The following ATP8A2 variants were observed in gnomAD, a reference collection of about 807,000 sequenced individuals.
The protein encoded by ATP8A2 is ATPase phospholipid transporting 8A2, also known as phospholipid-transporting ATPase IB.
A neutral mutation model predicts 165.6 loss-of-function variants in ATP8A2; 100 were observed. The ratio of observed to expected loss-of-function variants is 0.60; its 90% CI spans 0.51 to 0.71. The LOEUF is 0.71. ATP8A2 is among the 30% of genes least tolerant of loss of function. The pLI is 0.00. For missense variants in ATP8A2, 1,227 were observed against 1,479.5 expected, an observed-to-expected ratio of 0.83 and a Z score of 2.80; for synonymous variants, 543 against 548.8, an observed-to-expected ratio of 0.99 and a Z score of 0.15.
intron 33 of ATP8A2, among the ~76,000 whole-genome samples, chr13:25,925,776 G>A (rs1385721603): frequency 2.6e-5 from 4 of 151,550 alleles, no homozygotes; most frequent in Non-Finnish European, 4.4e-5. Flanking sequence ...TGCCCAGGCA[G>A]GAGTGCAATG....
intron 18 of ATP8A2, among the ~76,000 whole-genome samples, chr13:25,574,234 A>G (rs1364724505): frequency 6.6e-6 from 1 of 152,270 alleles, no homozygotes. Context: ...GACCAGGTAC[A>G]GATTCACCAT....
intron 33 of ATP8A2, among the ~76,000 whole-genome samples, chr13:25,943,530 G>A (rs1425375762): frequency 6.6e-6 from 1 of 152,152 alleles, no homozygotes; most frequent in Non-Finnish European, 1.5e-5. Context: ...TAGCCTAGGT[G>A]TCTAGTGTGC....
intron 27 of ATP8A2, among the ~76,000 whole-genome samples, chr13:25,820,860 C>T (rs890048381): frequency 6.6e-6 from 1 of 151,968 alleles, no homozygotes; most frequent in African/African-American, 2.4e-5. Flanking sequence ...CAAATTTGAG[C>T]GTTTCAATGT....
At chr13:25,684,640 G>A (rs965469565) in intron 24 of ATP8A2, among the ~76,000 whole-genome samples, 2 of 152,186 alleles carry the variant, frequency 1.3e-5, no homozygotes, top group Non-Finnish European at 2.9e-5. Context: ...AGGAGTCTCG[G>A]ATGAATCAAT....
intron 23 of ATP8A2, 22 bp from the exon 24 acceptor site, chr13:25,589,613 G>A (rs1206094227): frequency 6.3e-7 from 1 of 1,586,732 alleles, no homozygotes; most frequent in Non-Finnish European, 8.6e-7. Flanking sequence ...AAATTCACAT[G>A]TTGTCTCTTC....
Position 25,696,982 on chromosome 13 carries a change from A to G in ATP8A2, c.2212-2191A>G, listed in dbSNP as rs146480007. 9.2e-5 allele frequency among the ~76,000 whole-genome samples: 14 copies of G among 152,352 alleles called. No homozygotes were observed. In the East Asian group the frequency reaches 2.7e-3, roughly 29 times the overall value. On this transcript the variant is annotated intron_variant, in intron 24 of 36. Coordinates refer to ENST00000381655, the MANE Select transcript of ATP8A2 (RefSeq NM_016529.6). ...ACAGATTACCATAACAGATATAATC[A>G]TGAGAAAGAAGTTTAAAATATTGCA...
At chr13:25,984,409 G>A (rs1291455927) in intron 35 of ATP8A2, among the ~76,000 whole-genome samples, 1 of 151,656 alleles carries the variant, frequency 6.6e-6, no homozygotes, top group Non-Finnish European at 1.5e-5. Flanking sequence ...TTCGAGACCA[G>A]CCTGGCCAAC....
At chr13:25,450,563 GCT>G (rs2035188182) in intron 1 of ATP8A2, among the ~76,000 whole-genome samples, 1 of 151,834 alleles carries the variant, frequency 6.6e-6, no homozygotes, top group East Asian at 1.9e-4. Flanking sequence ...ACGGAGTCTC[GCT>G]CTGTCGCCCA....
chr13:25,995,531 T>C (rs1956480986), intron 35 of ATP8A2, among the ~76,000 whole-genome samples: 1 of 151,986 alleles, frequency 6.6e-6, no homozygotes, highest in Admixed American at 6.6e-5. Flanking sequence ...TTTTTATTTG[T>C]CTTAAGGCTT....
chr13:26,002,764 A>C (rs1645563091), intron 35 of ATP8A2, among the ~76,000 whole-genome samples: 1 of 151,072 alleles, frequency 6.6e-6, no homozygotes, highest in African/African-American at 2.4e-5. Flanking sequence ...TGCCCGGTTT[A>C]TTTCATTTAG....
At chr13:25,757,124 G>A (rs543180455) in intron 25 of ATP8A2, among the ~76,000 whole-genome samples, 51 of 152,318 alleles carry the variant, frequency 3.3e-4, no homozygotes, top group African/African-American at 1.2e-3. Context: ...AGATGGAGTG[G>A]TGGGAGGAGG....
intron 34 of ATP8A2, among the ~76,000 whole-genome samples, chr13:25,967,870 G>A (rs1955817354): frequency 6.6e-6 from 1 of 152,158 alleles, no homozygotes; most frequent in East Asian, 1.9e-4. Flanking sequence ...AAAGGGTAGA[G>A]GGAACTCTTC....
intron 2 of ATP8A2, among the ~76,000 whole-genome samples, chr13:25,499,164 C>T (rs894793109): frequency 2.0e-5 from 3 of 152,204 alleles, no homozygotes; most frequent in African/African-American, 7.2e-5. Context: ...CTCAGGCCAA[C>T]TATGGGCCCA....
intron 30 of ATP8A2, among the ~76,000 whole-genome samples, chr13:25,857,629 A>G (rs534881354): frequency 3.6e-4 from 49 of 134,942 alleles, no homozygotes; most frequent in African/African-American, 1.4e-3. Context: ...GCTGGAGTGC[A>G]GTGGCATGAT....
chr13:25,971,163 C>T (rs1363893268), intron 35 of ATP8A2, among the ~76,000 whole-genome samples: 5 of 152,008 alleles, frequency 3.3e-5, no homozygotes, highest in Non-Finnish European at 7.4e-5. Flanking sequence ...GCCGCTCATC[C>T]TCCTCAGTGA....
intron 30 of ATP8A2, among the ~76,000 whole-genome samples, chr13:25,843,998 G>A (rs1227820092): frequency 2.0e-5 from 3 of 152,150 alleles, no homozygotes; most frequent in East Asian, 3.9e-4. Flanking sequence ...GCTCTGTAGA[G>A]AAACACATAG....
chr13:25,947,741 C>G (rs1566294022), intron 33 of ATP8A2, among the ~76,000 whole-genome samples: 1 of 152,172 alleles, frequency 6.6e-6, no homozygotes, highest in Non-Finnish European at 1.5e-5. Context: ...GGCCGTGACT[C>G]AAGCAGACAC....
chr13:25,647,684 T>A lies in ATP8A2; in HGVS notation c.2212-51489T>A, dbSNP rs139774650. Among the ~76,000 whole-genome samples the A allele has an allele frequency of 8.8e-3, 1,336 of 151,406 alleles. 30 individuals carry two copies. The highest frequency in any genetic ancestry group is 0.031 in the African/African-American group (1,261 of 41,164). Reference sequence around the variant, plus strand: ...CAGCCATTCTTTCTTTTTTCTTTTTTTCTTTTTTTTTTCTTTTTTAGATGG... The same window carrying A: ...CAGCCATTCTTTCTTTTTTCTTTTTATCTTTTTTTTTTCTTTTTTAGATGG... On this transcript the variant is annotated intron_variant, in intron 24 of 36. Transcript: ENST00000381655.
chr13:25,465,248 A>AT (rs936093601), intron 1 of ATP8A2, among the ~76,000 whole-genome samples: 11 of 151,748 alleles, frequency 7.2e-5, no homozygotes, highest in Non-Finnish European at 1.2e-4. Context: ...TTTTTTGAAA[A>AT]TTTTTTTTTC....
Sources: allele counts gnomAD v4.1 joint callset (sites outside exome capture counted in the v4.1 genomes callset), GRCh38; gene constraint gnomAD v4.1.1; transcripts MANE v1.5; gene names NCBI Gene and HGNC (gene_info 2026-07-23, HGNC 2026-07-21).